The following ZBTB7C variants were observed in gnomAD, a reference collection of about 807,000 sequenced individuals.
ZBTB7C encodes zinc finger and BTB domain-containing protein 7C.
ZBTB7C carries 8 observed loss-of-function variants against 25.7 expected under a neutral mutation model. That is an observed-to-expected ratio of 0.31 (90% CI 0.18 to 0.56). The LOEUF (loss-of-function observed/expected upper bound fraction) is 0.56, where lower values mean the gene tolerates loss of function less well. ZBTB7C is among the 20% of genes least tolerant of loss of function. ZBTB7C has a pLI of 0.91. For missense variants in ZBTB7C, 824 were observed against 855.2 expected (o/e 0.96, Z 0.46); for synonymous variants, 394 against 369.0 (o/e 1.07, Z -0.78).
chr18:48,185,617 TA>T (rs534193791), intron 3 of ZBTB7C, among the ~76,000 whole-genome samples: 37 of 149,258 alleles, frequency 2.5e-4, no homozygotes, highest in African/African-American at 6.4e-4. Flanking sequence ...TGGCCCCAAG[TA>T]AAAAAAAAAT....
intron 2 of ZBTB7C, among the ~76,000 whole-genome samples, chr18:48,207,922 G>T (rs1226618138): frequency 6.6e-6 from 1 of 152,048 alleles, no homozygotes; most frequent in Non-Finnish European, 1.5e-5. Context: ...CCAGAGTGCT[G>T]GGAATGTTCT....
intron 3 of ZBTB7C, among the ~76,000 whole-genome samples, chr18:48,122,212 A>C (rs1038709216): frequency 2.2e-4 from 33 of 152,230 alleles, no homozygotes; most frequent in Non-Finnish European, 1.3e-4. Flanking sequence ...TGGGCAGCAC[A>C]GTTCTTCAGG....
At chr18:48,389,945 T>A (rs2047861018) in intron 1 of ZBTB7C, among the ~76,000 whole-genome samples, 1 of 152,216 alleles carries the variant, frequency 6.6e-6, no homozygotes, top group Non-Finnish European at 1.5e-5. Context: ...TATACTTAGC[T>A]GGTGTCAGAG....
intron 3 of ZBTB7C, among the ~76,000 whole-genome samples, chr18:48,124,418 G>T (rs2039732141): frequency 6.6e-6 from 1 of 152,208 alleles, no homozygotes; most frequent in Non-Finnish European, 1.5e-5. Flanking sequence ...GAGAACCATG[G>T]TGTTTTGTTA....
chr18:48,067,059 G>A (rs766843646), intron 3 of ZBTB7C, among the ~76,000 whole-genome samples: 15 of 152,254 alleles, frequency 9.9e-5, no homozygotes, highest in Non-Finnish European at 2.1e-4. Context: ...CCAAGATTGT[G>A]CCACTGCACT....
intron 2 of ZBTB7C, among the ~76,000 whole-genome samples, chr18:48,265,816 G>A (rs1232384050): frequency 6.6e-6 from 1 of 152,314 alleles, no homozygotes; most frequent in East Asian, 1.9e-4. Context: ...GACTGCAGGA[G>A]ACTAAAGACG....
intron 3 of ZBTB7C, among the ~76,000 whole-genome samples, chr18:48,051,872 T>C (rs1381687127): frequency 1.3e-5 from 2 of 151,824 alleles, no homozygotes; most frequent in Admixed American, 1.3e-4. Context: ...AATCAAATGG[T>C]GCCCCTTCAA....
chr18:48,296,342 C>T (rs892801034), intron 2 of ZBTB7C, among the ~76,000 whole-genome samples: 7 of 152,174 alleles, frequency 4.6e-5, no homozygotes, highest in African/African-American at 1.7e-4. Context: ...TCAGAAAGGG[C>T]TCCTCACTCG....
At chr18:48,070,529 T>C (rs962498676) in intron 3 of ZBTB7C, among the ~76,000 whole-genome samples, 41 of 152,184 alleles carry the variant, frequency 2.7e-4, no homozygotes, top group Admixed American at 1.6e-3. Flanking sequence ...GGGAAGAGCT[T>C]GCCCCATTTC....
intron 2 of ZBTB7C, among the ~76,000 whole-genome samples, chr18:48,242,322 G>C (rs529727313): frequency 6.6e-6 from 1 of 152,052 alleles, no homozygotes; most frequent in Non-Finnish European, 1.5e-5. Context: ...CAGAGAAAAA[G>C]GGAATCCTCC....
chr18:48,258,805 C>T (rs1392870179), intron 2 of ZBTB7C, among the ~76,000 whole-genome samples: 1 of 135,830 alleles, frequency 7.4e-6, no homozygotes, highest in Non-Finnish European at 1.5e-5. Flanking sequence ...ATTACAGGCG[C>T]ACACCACCAC....
At chr18:48,091,238 A>ATTTT (rs35051690) in intron 3 of ZBTB7C, among the ~76,000 whole-genome samples, 757 of 64,654 alleles carry the variant, frequency 0.012, 32 homozygotes, top group African/African-American at 0.049. Flanking sequence ...TGCCCGGATA[A>ATTTT]TTTTTTTTTT....
intron 2 of ZBTB7C, among the ~76,000 whole-genome samples, chr18:48,266,897 A>G (rs952345840): frequency 2.6e-5 from 4 of 152,056 alleles, no homozygotes; most frequent in African/African-American, 9.7e-5. Flanking sequence ...ATATTATAAG[A>G]TATGTGTTAT....
intron 4 of ZBTB7C, among the ~76,000 whole-genome samples, chr18:48,037,274 A>G (rs1207576256): frequency 6.6e-6 from 1 of 152,216 alleles, no homozygotes; most frequent in Non-Finnish European, 1.5e-5. Flanking sequence ...GTCATTCTGG[A>G]GCAGGAGGAA....
intron 2 of ZBTB7C, among the ~76,000 whole-genome samples, chr18:48,227,765 A>G (rs571323913): frequency 2.6e-5 from 4 of 152,316 alleles, no homozygotes; most frequent in South Asian, 4.1e-4. Flanking sequence ...GAAATAGGAA[A>G]CATTGGGAAA....
At chr18:48,088,799 C>T (rs2038293409) in intron 3 of ZBTB7C, among the ~76,000 whole-genome samples, 3 of 151,990 alleles carry the variant, frequency 2.0e-5, no homozygotes, top group African/African-American at 7.3e-5. Flanking sequence ...TACTGCACTT[C>T]AGCCTGGGCG....
chr18:48,037,533 C>T (rs2036026569), intron 4 of ZBTB7C, among the ~76,000 whole-genome samples: 1 of 152,240 alleles, frequency 6.6e-6, no homozygotes, highest in Non-Finnish European at 1.5e-5. Flanking sequence ...TTAAAACCTT[C>T]CCTTAAAACA....
chr18:48,365,836 C>A (rs2047210279), intron 1 of ZBTB7C, among the ~76,000 whole-genome samples: 1 of 152,052 alleles, frequency 6.6e-6, no homozygotes, highest in Non-Finnish European at 1.5e-5. Context: ...ATAGTGAAAA[C>A]CTGAAGTGAA....
chr18:48,078,219 C>A (rs1284462499), intron 3 of ZBTB7C, among the ~76,000 whole-genome samples: 3 of 152,176 alleles, frequency 2.0e-5, no homozygotes, highest in Admixed American at 1.3e-4. Flanking sequence ...CAAGCTCCTG[C>A]AATATATCAG....
Sources: gnomAD v4.1 joint callset for allele counts (sites outside exome capture counted in the v4.1 genomes callset) on GRCh38, gnomAD v4.1.1 for gene constraint, MANE v1.5 for transcripts, NCBI Gene and HGNC (gene_info 2026-07-23, HGNC 2026-07-21) for gene names.